Variants in MICU1 observed in about 807,000 individuals in gnomAD.
The protein encoded by MICU1 is calcium uptake protein 1, mitochondrial.
Under a neutral mutation model 56.8 loss-of-function variants are expected in MICU1, and 45 were observed. The observed-to-expected ratio is 0.79, with a 90% CI of 0.62 to 1.02. The LOEUF (loss-of-function observed/expected upper bound fraction) is 1.02. MICU1 is among the 50% of genes least tolerant of loss of function. The pLI is 0.00. For missense variants in MICU1, 504 were observed against 587.1 expected (o/e 0.86, Z 1.46); for synonymous variants, 186 against 195.1 (o/e 0.95, Z 0.39).
chr10:72,378,935 C>T (rs916454447), intron 10 of MICU1, among the ~76,000 whole-genome samples: 1 of 152,074 alleles, frequency 6.6e-6, no homozygotes, highest in South Asian at 2.1e-4. Flanking sequence ...ATCTTTTCTC[C>T]CAGGATCTGA....
intron 6 of MICU1, among the ~76,000 whole-genome samples, chr10:72,487,370 G>A (rs1866509015): frequency 6.6e-6 from 1 of 152,102 alleles, no homozygotes; most frequent in African/African-American, 2.4e-5. Context: ...CTACAGACAA[G>A]AGCAGAGTTT....
chr10:72,569,510 C>T (rs539068424), intron 1 of MICU1, among the ~76,000 whole-genome samples: 4 of 151,924 alleles, frequency 2.6e-5, no homozygotes, highest in Non-Finnish European at 5.9e-5. Context: ...GCTGAGATTA[C>T]AGGCGTGAGC....
intron 1 of MICU1, among the ~76,000 whole-genome samples, chr10:72,586,158 T>C (rs1841054012): frequency 6.6e-6 from 1 of 151,274 alleles, no homozygotes; most frequent in Non-Finnish European, 1.5e-5. Flanking sequence ...GGACTACAGG[T>C]GCACACCACC....
intron 11 of MICU1, among the ~76,000 whole-genome samples, chr10:72,368,955 G>A (rs768032829): frequency 1.3e-5 from 2 of 152,144 alleles, no homozygotes; most frequent in African/African-American, 2.4e-5. Context: ...GGACACTAAA[G>A]AAGCAGGTGC....
chr10:72,541,673 G>A (rs899102283), intron 4 of MICU1, among the ~76,000 whole-genome samples: 4 of 152,092 alleles, frequency 2.6e-5, no homozygotes, highest in African/African-American at 9.7e-5. Flanking sequence ...CCTTAGGGAG[G>A]CTGACTTTAT....
At chr10:72,521,106 T>TA (rs1158777717) in intron 5 of MICU1, among the ~76,000 whole-genome samples, 1 of 152,084 alleles carries the variant, frequency 6.6e-6, no homozygotes, top group Admixed American at 6.6e-5. Context: ...TCACTTAATG[T>TA]AAAAACAATC....
At chr10:72,535,597 C>T (rs1414088545) in intron 4 of MICU1, among the ~76,000 whole-genome samples, 1 of 151,470 alleles carries the variant, frequency 6.6e-6, no homozygotes, top group African/African-American at 2.4e-5. Flanking sequence ...GCATATTGAA[C>T]AAAAAAAACT....
At chr10:72,454,917 G>A (rs1166544096) in intron 8 of MICU1, among the ~76,000 whole-genome samples, 1 of 152,168 alleles carries the variant, frequency 6.6e-6, no homozygotes, top group Non-Finnish European at 1.5e-5. Context: ...AAGCTGATAA[G>A]GGAATACCTA....
chr10:72,482,778 CT>C (rs1866341797), intron 6 of MICU1, among the ~76,000 whole-genome samples: 1 of 151,150 alleles, frequency 6.6e-6, no homozygotes, highest in Non-Finnish European at 1.5e-5. Flanking sequence ...CATAATAGCC[CT>C]CGTCTGGGGG....
At chr10:72,426,833 C>G (rs577463637) in intron 8 of MICU1, among the ~76,000 whole-genome samples, 31 of 152,276 alleles carry the variant, frequency 2.0e-4, no homozygotes, top group Non-Finnish European at 3.7e-4. Flanking sequence ...TGGGTGCACT[C>G]CTGGAGTGCC....
chr10:72,564,544 GAAAAAAAAAAAA>G (rs11465166), intron 2 of MICU1, among the ~76,000 whole-genome samples: 1 of 107,398 alleles, frequency 9.3e-6, no homozygotes, highest in African/African-American at 3.5e-5. Context: ...ATCTCAAAAA[GAAAAAAAAAAAA>G]AAAAAAAGAA....
chr10:72,435,282 G>C (rs534575693), intron 8 of MICU1, among the ~76,000 whole-genome samples: 3 of 151,300 alleles, frequency 2.0e-5, no homozygotes, highest in African/African-American at 7.3e-5. Context: ...CAGCTACTTG[G>C]GAGGCTGAAG....
At chr10:72,509,030 C>T (rs917052554) in intron 5 of MICU1, among the ~76,000 whole-genome samples, 2 of 152,074 alleles carry the variant, frequency 1.3e-5, no homozygotes, top group African/African-American at 4.8e-5. Flanking sequence ...TAATTGTCTG[C>T]CTGGCAAGTG....
chr10:72,512,674 T>C (rs1197321299), intron 5 of MICU1, among the ~76,000 whole-genome samples: 2 of 149,302 alleles, frequency 1.3e-5, no homozygotes, highest in African/African-American at 5.0e-5. Flanking sequence ...GGCAGCTCTA[T>C]GTTTTTGGTT....
intron 1 of MICU1, among the ~76,000 whole-genome samples, chr10:72,569,235 A>T (rs7092889): frequency 0.38 from 16,267 of 42,388 alleles, 3,205 homozygotes; most frequent in African/African-American, 0.58. Context: ...ATATATATAT[A>T]TATTTTTTTT....
intron 1 of MICU1, among the ~76,000 whole-genome samples, chr10:72,596,466 G>A (rs73282780): frequency 0.059 from 8,924 of 152,064 alleles, 890 homozygotes; most frequent in African/African-American, 0.2. Flanking sequence ...CTAGAAATCT[G>A]CTGTAAGATG....
chr10:72,613,858 T>G (rs978809313), intron 1 of MICU1, among the ~76,000 whole-genome samples: 2 of 151,958 alleles, frequency 1.3e-5, no homozygotes, highest in African/African-American at 4.8e-5. Context: ...ACAATATACA[T>G]AATAGGCTGG....
chr10:72,521,773 T>G (rs1365110624), intron 5 of MICU1, among the ~76,000 whole-genome samples: 2 of 152,100 alleles, frequency 1.3e-5, no homozygotes, highest in African/African-American at 4.8e-5. Context: ...ATTTTTGAAG[T>G]AGTTCACTAC....
At chr10:72,563,535 GAAACAGA>G in intron 2 of MICU1, among the ~76,000 whole-genome samples, 1 of 152,292 alleles carries the variant, frequency 6.6e-6, no homozygotes, top group East Asian at 1.9e-4. Context: ...TAGATTTACA[GAAACAGA>G]AAGTAGAATG....
Sources: allele counts gnomAD v4.1 joint callset (sites outside exome capture counted in the v4.1 genomes callset), GRCh38; gene constraint gnomAD v4.1.1; transcripts MANE v1.5; gene names NCBI Gene and HGNC (gene_info 2026-07-23, HGNC 2026-07-21).